WHRN: variants seen among roughly 807,000 people sequenced by gnomAD.
The protein encoded by WHRN is whirlin.
In WHRN, 41 loss-of-function variants were observed where a neutral mutation model predicts 68.3. The ratio of observed to expected loss-of-function variants is 0.60; its 90% confidence interval spans 0.47 to 0.78. WHRN has a LOEUF of 0.78. Ranked by LOEUF, WHRN falls within the 30% of genes least tolerant of loss-of-function variation. The pLI, the probability that WHRN is intolerant of heterozygous loss-of-function variation, is 0.00. For synonymous variants in WHRN, 560 were observed against 561.3 expected (o/e 1.00, Z 0.03); for missense variants, 1,243 against 1,244.7 (o/e 1.00, Z 0.02).
chr9:114,505,286 G>A lies in WHRN; in HGVS notation c.-485C>T, dbSNP rs1047578171. On this transcript the variant is annotated 5_prime_UTR_variant, in exon 1 of 12. Coordinates refer to ENST00000362057, the MANE Select transcript of WHRN (RefSeq NM_015404.4). ...GACCCCAAAGTCAGAAGTTGGGGCG[G>A]AGGGCGCTCTAGTCCCAGAGCACTC... 1 of 154,926 alleles carries A rather than the reference G, an allele frequency of 6.5e-6. No individual in the cohort carries two copies. The highest frequency in any genetic ancestry group is 2.4e-5 in the African/African-American group (1 of 41,516). 9.6% of individuals were successfully genotyped at this position (154,926 alleles called of 1,614,324 possible).
At chr9:114,486,131 C>T (rs944487761) in intron 1 of WHRN, among the ~76,000 whole-genome samples, 6 of 152,194 alleles carry the variant, frequency 3.9e-5, no homozygotes, top group Non-Finnish European at 7.3e-5. Context: ...CCTGAGGCTG[C>T]CAGTTCCTTC....
At position 114,423,535 on chromosome 9, in the gene WHRN, G is replaced by A. The variant is rs1836516488; in HGVS notation, c.1417-12C>T. 11 of 1,599,850 alleles carry A rather than the reference G, an allele frequency of 6.9e-6. No homozygotes were observed. The highest frequency in any genetic ancestry group is 9.4e-6 in the Non-Finnish European group (11 of 1,170,018). ...GAGAGGAGTGAGAACTGGAGGCGGGGACAAAAGGGGCACTCAGCAGGGAGC... is the reference window on the plus strand; with the variant it reads ...GAGAGGAGTGAGAACTGGAGGCGGGAACAAAAGGGGCACTCAGCAGGGAGC... On this transcript the variant is annotated splice_polypyrimidine_tract_variant and intron_variant, in intron 6 of 11. Coordinates refer to ENST00000362057, the MANE Select transcript of WHRN (RefSeq NM_015404.4).
At chr9:114,490,262 G>T (rs374710409) in intron 1 of WHRN, among the ~76,000 whole-genome samples, 2 of 152,132 alleles carry the variant, frequency 1.3e-5, no homozygotes, top group Admixed American at 6.5e-5. Context: ...GACAACATAC[G>T]TCAAAAAGAA....
rs184458791 is a variant in WHRN at position 114,493,947 on chromosome 9, G to A, written c.618+10237C>T. ...GCTGGGCTGTATGCCGTGCTTCTCCGTTAGCAGCCAGCCGAGAGCCCTGGC... is the reference window on the plus strand; with the variant it reads ...GCTGGGCTGTATGCCGTGCTTCTCCATTAGCAGCCAGCCGAGAGCCCTGGC... On this transcript the variant is annotated intron_variant, in intron 1 of 11. Transcript: ENST00000362057. 2.0e-3 allele frequency among the ~76,000 whole-genome samples: 308 copies of A among 152,320 alleles called. 5 individuals carry two copies. Among genetic ancestry groups the A allele is most frequent in the Non-Finnish European group, 3.7e-4 (25 of 68,022 alleles).
At chr9:114,470,831 C>A (rs1008465016) in intron 2 of WHRN, among the ~76,000 whole-genome samples, 1 of 152,106 alleles carries the variant, frequency 6.6e-6, no homozygotes, top group East Asian at 1.9e-4. Flanking sequence ...CACCCCACCC[C>A]GGGGCCCTTC....
intron 4 of WHRN, chr9:114,425,387 A>G (rs1307884958): frequency 1.6e-5 from 9 of 574,172 alleles, no homozygotes; most frequent in Admixed American, 9.1e-5. Context: ...GGGGCCGGTG[A>G]ACTGGAGATC....
Position 114,406,600 on chromosome 9 carries a change from G to A in WHRN, c.1991C>T (p.Pro664Leu), listed in dbSNP as rs749497671. ...VSPANPSSKR[P>L]LDAHLALVNQ... Reference sequence around the variant, plus strand: ...GACCAGGGCCAGATGGGCGTCCAGCGGCCTCTTGGAGCTGGGGTTGGCAGG... The same window carrying A: ...GACCAGGGCCAGATGGGCGTCCAGCAGCCTCTTGGAGCTGGGGTTGGCAGG... Residue 664 changes from proline to leucine, a missense_variant, in exon 9 of 12, where the codon CCG becomes CTG. Coordinates refer to ENST00000362057, the MANE Select transcript of WHRN (RefSeq NM_015404.4). The A allele has an allele frequency of 2.2e-5, 36 of 1,610,720 alleles. No homozygotes were observed. Among genetic ancestry groups the A allele is most frequent in the South Asian group, 6.6e-5 (6 of 91,008 alleles).
intron 7 of WHRN, among the ~76,000 whole-genome samples, chr9:114,415,863 G>A (rs1835780169): frequency 6.6e-6 from 1 of 152,132 alleles, no homozygotes; most frequent in South Asian, 2.1e-4. Context: ...TCAGGATGCA[G>A]GAGGAAAAAT....
intron 3 of WHRN, among the ~76,000 whole-genome samples, chr9:114,438,741 G>A (rs1287771891): frequency 3.3e-5 from 5 of 151,838 alleles, no homozygotes; most frequent in East Asian, 3.9e-4. Context: ...ATGAGCCACC[G>A]CGCCTGGCTA....
At chr9:114,481,208 C>T (rs1842068219) in intron 1 of WHRN, among the ~76,000 whole-genome samples, 1 of 152,294 alleles carries the variant, frequency 6.6e-6, no homozygotes, top group Admixed American at 6.5e-5. Flanking sequence ...AGAGGCAAGT[C>T]CCTGACATTT....
intron 2 of WHRN, among the ~76,000 whole-genome samples, chr9:114,470,153 C>G (rs1049246251): frequency 7.9e-5 from 12 of 152,182 alleles, no homozygotes; most frequent in African/African-American, 2.9e-4. Flanking sequence ...TACCTTCAGA[C>G]TTGAGGATAC....
At chr9:114,459,537 A>G (rs558527336) in intron 3 of WHRN, among the ~76,000 whole-genome samples, 1 of 152,228 alleles carries the variant, frequency 6.6e-6, no homozygotes. Flanking sequence ...TGCTTGGTAC[A>G]TACTTAGCAC....
intron 2 of WHRN, among the ~76,000 whole-genome samples, chr9:114,470,918 C>G (rs190225470): frequency 3.3e-5 from 5 of 151,486 alleles, no homozygotes; most frequent in Admixed American, 3.3e-4. Context: ...AGCCCAGGAA[C>G]ACGCAGATGG....
intron 2 of WHRN, among the ~76,000 whole-genome samples, chr9:114,474,953 T>C (rs1841529287): frequency 6.6e-6 from 1 of 152,082 alleles, no homozygotes; most frequent in East Asian, 1.9e-4. Flanking sequence ...AAAAAACTCA[T>C]ACTACCTCAC....
In WHRN at chr9:114,406,444, C is replaced by CCTGTCTGGTCTGGGT; in HGVS notation, c.2132_2146dup (p.Thr715_Gly716insAspProAspGlnThr). 3 of 1,614,172 alleles carry CCTGTCTGGTCTGGGT rather than the reference C, an allele frequency of 1.9e-6. No individual in the cohort carries two copies. Among genetic ancestry groups the CCTGTCTGGTCTGGGT allele is most frequent in the Non-Finnish European group, 2.5e-6 (3 of 1,180,040 alleles). On this transcript the variant is annotated inframe_insertion, in exon 9 of 12. Coordinates refer to ENST00000362057, the MANE Select transcript of WHRN (RefSeq NM_015404.4). ...CACCATGACAAAGTGCTGGTTTGTGCCTGTCTGGTCTGGGTGGCCAGAGGG... is the reference window on the plus strand; with the variant it reads ...CACCATGACAAAGTGCTGGTTTGTGCCTGTCTGGTCTGGGTCTGTCTGGTCTGGGTGGCCAGAGGG...
intron 3 of WHRN, among the ~76,000 whole-genome samples, chr9:114,463,493 A>C (rs1239244879): frequency 6.6e-6 from 1 of 152,190 alleles, no homozygotes; most frequent in East Asian, 1.9e-4. Context: ...GATTCACTGG[A>C]TCCTGGAACA....
chr9:114,426,926 A>C (rs1330659807), intron 3 of WHRN, among the ~76,000 whole-genome samples: 1 of 152,260 alleles, frequency 6.6e-6, no homozygotes, highest in Non-Finnish European at 1.5e-5. Flanking sequence ...AAAGCAGTAC[A>C]TATGGCTTAG....
chr9:114,493,773 G>A (rs1166125172), intron 1 of WHRN, among the ~76,000 whole-genome samples: 1 of 152,198 alleles, frequency 6.6e-6, no homozygotes, highest in Non-Finnish European at 1.5e-5. Context: ...CTGAAATCTA[G>A]TCAATAAAAT....
At chr9:114,441,396 AG>A (rs1262096172) in intron 3 of WHRN, among the ~76,000 whole-genome samples, 3 of 152,186 alleles carry the variant, frequency 2.0e-5, no homozygotes, top group African/African-American at 7.2e-5. Flanking sequence ...GTCCACTAAA[AG>A]CCCTGTTAGT....
Sources: allele counts gnomAD v4.1 joint callset (sites outside exome capture counted in the v4.1 genomes callset), GRCh38; gene constraint gnomAD v4.1.1; transcripts MANE v1.5; gene names NCBI Gene and HGNC (gene_info 2026-07-23, HGNC 2026-07-21).